The following NAALADL2 variants were observed in gnomAD, a reference collection of about 807,000 sequenced individuals.
The protein encoded by NAALADL2 is inactive N-acetylated-alpha-linked acidic dipeptidase-like protein 2.
Under a neutral mutation model 87.2 loss-of-function variants are expected in NAALADL2, and 76 were observed. That is an observed-to-expected ratio of 0.87 (90% CI 0.72 to 1.05). The LOEUF (loss-of-function observed/expected upper bound fraction) is 1.05, where lower values mean the gene tolerates loss of function less well. Among genes scored for constraint, NAALADL2 ranks in the 50% least tolerant of loss-of-function variants. The probability of loss-of-function intolerance (pLI) is 0.00; values close to 1 mark genes in which losing one functional copy is unlikely to be tolerated. For missense variants in NAALADL2, 1,089 were observed against 945.8 expected, an observed-to-expected ratio of 1.15 and a Z score of -1.99; for synonymous variants, 354 against 331.0, an observed-to-expected ratio of 1.07 and a Z score of -0.75.
chr3:175,288,787 G>A (rs1429001407), intron 4 of NAALADL2, among the ~76,000 whole-genome samples: 1 of 152,198 alleles, frequency 6.6e-6, no homozygotes, highest in African/African-American at 2.4e-5. Context: ...ATTGTGGGAT[G>A]TTGAGTGGAA....
rs551334684 is a variant in NAALADL2, at chr3:175,316,812, C to T, written c.940-7363C>T. Among the ~76,000 whole-genome samples the T allele has an allele frequency of 1.2e-4, 19 of 152,296 alleles. No homozygotes were observed. In the South Asian group the frequency reaches 3.9e-3, roughly 32 times the overall value. On this transcript the variant is annotated intron_variant, in intron 4 of 13. Coordinates refer to ENST00000454872, the MANE Select transcript of NAALADL2 (RefSeq NM_207015.3). ...ATGTAGTTAACAATACAGAGGAACACTTCTCATTTGGTTTGGTATAAGCAG... is the reference window on the plus strand; with the variant it reads ...ATGTAGTTAACAATACAGAGGAACATTTCTCATTTGGTTTGGTATAAGCAG...
intron 11 of NAALADL2, among the ~76,000 whole-genome samples, chr3:175,669,867 T>G (rs1437911484): frequency 6.6e-6 from 1 of 152,032 alleles, no homozygotes; most frequent in East Asian, 1.9e-4. Flanking sequence ...ATTTCATAAG[T>G]GACTTTATGC....
intron 2 of NAALADL2, among the ~76,000 whole-genome samples, chr3:174,638,108 T>G (rs1422217083): frequency 6.6e-6 from 1 of 152,200 alleles, no homozygotes; most frequent in Non-Finnish European, 1.5e-5. Flanking sequence ...TTTTATTGCA[T>G]GTAGATATAA....
chr3:174,501,796 T>G (rs902155574), intron 1 of NAALADL2, among the ~76,000 whole-genome samples: 7 of 152,086 alleles, frequency 4.6e-5, no homozygotes, highest in African/African-American at 1.7e-4. Flanking sequence ...TTTTTTGCTC[T>G]CATTAATCTG....
intron 2 of NAALADL2, among the ~76,000 whole-genome samples, chr3:174,555,371 C>T (rs1297524596): frequency 6.6e-6 from 1 of 152,192 alleles, no homozygotes; most frequent in African/African-American, 2.4e-5. Context: ...GCGATCTTGG[C>T]CCACTGCAAC....
intron 2 of NAALADL2, among the ~76,000 whole-genome samples, chr3:175,180,114 GC>G (rs1736247460): frequency 6.6e-6 from 1 of 151,800 alleles, no homozygotes; most frequent in Admixed American, 6.6e-5. Context: ...AAAATATTTA[GC>G]CTGTACTTTA....
At chr3:174,489,034 A>T (rs1718026518) in intron 1 of NAALADL2, among the ~76,000 whole-genome samples, 2 of 151,966 alleles carry the variant, frequency 1.3e-5, no homozygotes, top group South Asian at 2.1e-4. Context: ...TGTGCATTTC[A>T]TTGCCACATT....
chr3:175,464,566 T>C (rs1723689174), intron 7 of NAALADL2, among the ~76,000 whole-genome samples: 1 of 152,220 alleles, frequency 6.6e-6, no homozygotes. Flanking sequence ...TGTAACACTC[T>C]TTTTATTACA....
rs55885934 is a variant in NAALADL2 at position 175,699,130 on chromosome 3, A to G, written c.1897-38176A>G. Among the ~76,000 whole-genome samples the G allele has an allele frequency of 3.2e-3, 490 of 152,092 alleles. 1 individual carries two copies. The highest frequency in any genetic ancestry group is 5.0e-3 in the Non-Finnish European group (342 of 67,922). On this transcript the variant is annotated intron_variant, in intron 11 of 13. Transcript: ENST00000454872. ...TGATTAAAAGTAGGTTATATAAAGG[A>G]AGGAATTCTGTGGCAGTGTCCAAGC... is the stretch of plus-strand genomic sequence containing the variant.
rs940200472 is a variant in NAALADL2 at position 175,366,925 on chromosome 3, G to A, written c.1090+42600G>A. Among the ~76,000 whole-genome samples, 440 of 151,656 alleles carry A rather than the reference G, an allele frequency of 2.9e-3. 3 individuals are homozygous for A. Among genetic ancestry groups the A allele is most frequent in the Non-Finnish European group, 4.6e-3 (314 of 67,988 alleles). On this transcript the variant is annotated intron_variant, in intron 5 of 13. Coordinates refer to ENST00000454872, the MANE Select transcript of NAALADL2 (RefSeq NM_207015.3). ...TTGCTTTTGGTGTTTTAGACTTGAAGTCCTTGCCCATGCCTATGTCCTGAA... is the reference window on the plus strand; with the variant it reads ...TTGCTTTTGGTGTTTTAGACTTGAAATCCTTGCCCATGCCTATGTCCTGAA...
chr3:175,754,854 T>C (rs1747052489), intron 12 of NAALADL2, among the ~76,000 whole-genome samples: 1 of 152,218 alleles, frequency 6.6e-6, no homozygotes, highest in Non-Finnish European at 1.5e-5. Context: ...GCCTGGAATA[T>C]AGCAATCCTT....
chr3:175,643,691 A>G (rs1196788160), intron 11 of NAALADL2, among the ~76,000 whole-genome samples: 1 of 152,158 alleles, frequency 6.6e-6, no homozygotes, highest in African/African-American at 2.4e-5. Flanking sequence ...TGAAGGGAGG[A>G]TTGTTTGATA....
chr3:175,362,207 T>C (rs1339615054), intron 5 of NAALADL2, among the ~76,000 whole-genome samples: 1 of 148,180 alleles, frequency 6.7e-6, no homozygotes, highest in Non-Finnish European at 1.5e-5. Context: ...GAGGGCTCTG[T>C]TCTGTTCCAT....
chr3:175,447,749 CT>C (rs979507874), intron 6 of NAALADL2, among the ~76,000 whole-genome samples: 6 of 152,174 alleles, frequency 3.9e-5, no homozygotes, highest in African/African-American at 1.4e-4. Context: ...GGTATGAAGT[CT>C]TTTAGTATAA....
At chr3:175,700,582 G>A (rs1285885344) in intron 11 of NAALADL2, among the ~76,000 whole-genome samples, 4 of 152,082 alleles carry the variant, frequency 2.6e-5, no homozygotes, top group Non-Finnish European at 5.9e-5. Context: ...TTTAAAGCAA[G>A]AGCTTTTACT....
intron 3 of NAALADL2, among the ~76,000 whole-genome samples, chr3:174,834,918 T>TA (rs1236817695): frequency 4.0e-5 from 6 of 151,820 alleles, no homozygotes; most frequent in Non-Finnish European, 5.9e-5. Context: ...ATTCTTTTAA[T>TA]AAAAAATGAC....
intron 2 of NAALADL2, among the ~76,000 whole-genome samples, chr3:174,584,182 G>T (rs542292293): frequency 2.6e-5 from 4 of 152,122 alleles, no homozygotes; most frequent in Non-Finnish European, 5.9e-5. Context: ...GAAGAATCAG[G>T]CATGTGTGGG....
intron 3 of NAALADL2, among the ~76,000 whole-genome samples, chr3:174,750,466 T>G (rs1384038016): frequency 6.6e-6 from 1 of 151,404 alleles, no homozygotes; most frequent in Non-Finnish European, 1.5e-5. Flanking sequence ...CTTCTGCTGC[T>G]GTTGCCCAGG....
intron 2 of NAALADL2, among the ~76,000 whole-genome samples, chr3:175,121,432 G>A (rs746042722): frequency 8.6e-5 from 13 of 151,992 alleles, no homozygotes; most frequent in Non-Finnish European, 1.5e-4. Flanking sequence ...ATAGGGTGAA[G>A]AGCAGAAACT....
Sources: gnomAD v4.1 joint callset for allele counts (sites outside exome capture counted in the v4.1 genomes callset) on GRCh38, gnomAD v4.1.1 for gene constraint, MANE v1.5 for transcripts, NCBI Gene and HGNC (gene_info 2026-07-23, HGNC 2026-07-21) for gene names.